C2orf76: variants seen among roughly 807,000 people sequenced by gnomAD.
The protein encoded by C2orf76 is UPF0538 protein C2orf76.
Under a neutral mutation model 16.9 loss-of-function variants are expected in C2orf76, and 23 were observed. That is an observed-to-expected ratio of 1.36 (90% CI 0.98 to 1.93). The LOEUF (loss-of-function observed/expected upper bound fraction) is 1.93, where lower values mean the gene tolerates loss of function less well. Among genes scored for constraint, C2orf76 ranks in the 30% most tolerant of loss-of-function variants. The probability of loss-of-function intolerance (pLI) is 0.00; values close to 1 mark genes in which losing one functional copy is unlikely to be tolerated. For synonymous variants in C2orf76, 48 were observed against 52.3 expected (o/e 0.92, Z 0.35); for missense variants, 152 against 152.6 (o/e 1.00, Z 0.02).
intron 2 of C2orf76, among the ~76,000 whole-genome samples, chr2:119,326,032 G>A (rs187264549): frequency 1.3e-5 from 2 of 152,200 alleles, no homozygotes; most frequent in East Asian, 3.9e-4. Flanking sequence ...CACATCTGTG[G>A]TTTGGTTTTT....
intron 1 of C2orf76, among the ~76,000 whole-genome samples, chr2:119,363,436 G>A (rs1173598194): frequency 4.7e-5 from 7 of 148,558 alleles, no homozygotes; most frequent in South Asian, 2.1e-4. Flanking sequence ...AAAAAAAAAA[G>A]GCAAAAAAAA....
chr2:119,295,650 T>G, the C2orf76 span, among the ~76,000 whole-genome samples: 1 of 152,160 alleles, frequency 6.6e-6, no homozygotes, highest in Admixed American at 6.5e-5. Flanking sequence ...TTTTTTCCTG[T>G]GTATTGGACA....
intron 5 of C2orf76, among the ~76,000 whole-genome samples, chr2:119,309,951 A>G (rs1403862541): frequency 6.6e-6 from 1 of 152,204 alleles, no homozygotes; most frequent in African/African-American, 2.4e-5. Flanking sequence ...ACATTATAAC[A>G]TTTAACCCAT....
chr2:119,311,291 C>T, intron 5 of C2orf76: 1 of 985,456 alleles, frequency 1.0e-6, no homozygotes, highest in Non-Finnish European at 1.2e-6. Flanking sequence ...CCATTTCTCT[C>T]CAACCATCGG....
intron 2 of C2orf76, among the ~76,000 whole-genome samples, chr2:119,338,399 A>T (rs528028563): frequency 6.6e-6 from 1 of 152,244 alleles, no homozygotes; most frequent in Non-Finnish European, 1.5e-5. Context: ...AGCTTTACTA[A>T]CTAGCCTTAG....
chr2:119,309,379 T>C (rs1310575083), intron 5 of C2orf76, among the ~76,000 whole-genome samples: 2 of 150,938 alleles, frequency 1.3e-5, no homozygotes, highest in African/African-American at 4.9e-5. Flanking sequence ...GCTAGTAACT[T>C]TTCTTTTTTT....
chr2:119,302,368 A>G lies in C2orf76; in HGVS notation c.*104T>C, dbSNP rs1678641763. On this transcript the variant is annotated 3_prime_UTR_variant, in exon 6 of 6. Transcript: ENST00000334816. ...AACCAGATTTTAGCTCAAAGAGTAT[A>G]GCCTGGGATTAATTTTTTAAGATTT... 5.6e-6 allele frequency: 3 copies of G among 539,078 alleles called. No individual in the cohort carries two copies. The highest frequency in any genetic ancestry group is 3.4e-6 in the Non-Finnish European group (1 of 294,012). 33.4% of individuals were successfully genotyped at this position (539,078 alleles called of 1,614,324 possible). A position where few individuals can be genotyped will look rare whatever the true frequency, so the allele number is the denominator to read the frequency against.
the C2orf76 span, among the ~76,000 whole-genome samples, chr2:119,294,758 C>T: frequency 2.6e-5 from 4 of 152,114 alleles, no homozygotes; most frequent in Non-Finnish European, 4.4e-5. Flanking sequence ...CAGCCATGAC[C>T]GACAGCGTGG....
chr2:119,339,974 G>A lies in C2orf76; in HGVS notation c.-12-3C>T. 6.2e-7 allele frequency: 1 copy of A among 1,606,070 alleles called. No homozygotes were observed. Among genetic ancestry groups the A allele is most frequent in the Admixed American group, 1.7e-5 (1 of 59,918 alleles). On this transcript the variant is annotated splice_region_variant and splice_polypyrimidine_tract_variant and intron_variant, in intron 1 of 5. Coordinates refer to ENST00000334816, the MANE Select transcript of C2orf76 (RefSeq NM_001322331.2). ...CCAGGAGCCATGTGAAGAAATTCCT[G>A]TGGCAAGAGACATGAGAACCATCTA... is the stretch of plus-strand genomic sequence containing the variant.
At chr2:119,294,487 G>A in the C2orf76 span, among the ~76,000 whole-genome samples, 1 of 152,144 alleles carries the variant, frequency 6.6e-6, no homozygotes, top group South Asian at 2.1e-4. Context: ...GAAGAGGGAG[G>A]ACAACGCTGA....
At chr2:119,298,549 T>TC (rs1341723786), downstream of C2orf76, among the ~76,000 whole-genome samples, 2 of 152,044 alleles carry the variant, frequency 1.3e-5, no homozygotes, top group African/African-American at 4.8e-5. Context: ...TCCAAATTGA[T>TC]CTTGGCTATT....
At chr2:119,334,374 C>T (rs1344869157) in intron 2 of C2orf76, among the ~76,000 whole-genome samples, 1 of 38,086 alleles carries the variant, frequency 2.6e-5, no homozygotes, top group African/African-American at 1.0e-4. Flanking sequence ...TCAATGTATG[C>T]AAAGCAAAAA....
intron 1 of C2orf76, among the ~76,000 whole-genome samples, chr2:119,353,605 C>T (rs1238938150): frequency 6.7e-6 from 1 of 148,890 alleles, no homozygotes; most frequent in African/African-American, 2.5e-5. Flanking sequence ...GCTCTGTCAC[C>T]CAGGCTGGAG....
At chr2:119,310,710 A>T (rs148939780) in intron 5 of C2orf76, among the ~76,000 whole-genome samples, 5,892 of 152,024 alleles carry the variant, frequency 0.039, 363 homozygotes, top group African/African-American at 0.13. Context: ...TGTCTCTACT[A>T]AAAAAATACA....
At position 119,318,971 on chromosome 2, in the gene C2orf76, A is replaced by G. The variant is rs572135533; in HGVS notation, c.185-1468T>C. On this transcript the variant is annotated intron_variant, in intron 3 of 5. Coordinates refer to ENST00000334816, the MANE Select transcript of C2orf76 (RefSeq NM_001322331.2). ...AAATAAGCTTAAAATGTGTGTAAGA[A>G]AATAAACAAAGTTGACTTTCAGCTT... 3.9e-5 allele frequency among the ~76,000 whole-genome samples: 6 copies of G among 152,258 alleles called. No homozygotes were observed. In the South Asian group the frequency reaches 1.2e-3, roughly 32 times the overall value.
chr2:119,347,701 A>G (rs1482404585), intron 1 of C2orf76, among the ~76,000 whole-genome samples: 1 of 152,026 alleles, frequency 6.6e-6, no homozygotes, highest in African/African-American at 2.4e-5. Flanking sequence ...TCGAGACCTC[A>G]TCTCTCCAAA....
chr2:119,301,076 A>ACACACACACAC (rs1678612702), downstream of C2orf76, among the ~76,000 whole-genome samples: 4 of 146,140 alleles, frequency 2.7e-5, no homozygotes, highest in African/African-American at 1.0e-4. Context: ...ACTTCTTAAA[A>ACACACACACAC]ACACACACAC....
At chr2:119,329,718 T>C (rs1370390520) in intron 2 of C2orf76, among the ~76,000 whole-genome samples, 2 of 152,166 alleles carry the variant, frequency 1.3e-5, no homozygotes, top group East Asian at 3.8e-4. Flanking sequence ...CAAATGATAC[T>C]ATAACACTTT....
intron 2 of C2orf76, among the ~76,000 whole-genome samples, chr2:119,334,379 CAAAAAAAAAAAAAA>C (rs34753333): frequency 2.8e-5 from 2 of 71,628 alleles, no homozygotes; most frequent in African/African-American, 1.1e-4. Context: ...GTATGCAAAG[CAAAAAAAAAAAAAA>C]AAAAAAAAAA....
Sources: gnomAD v4.1 joint callset for allele counts (sites outside exome capture counted in the v4.1 genomes callset) on GRCh38, gnomAD v4.1.1 for gene constraint, MANE v1.5 for transcripts, NCBI Gene and HGNC (gene_info 2026-07-23, HGNC 2026-07-21) for gene names.